PLEKHG1: variants seen among roughly 807,000 people sequenced by gnomAD.
PLEKHG1 encodes the protein pleckstrin homology and RhoGEF domain containing G1.
A neutral mutation model predicts 100.8 loss-of-function variants in PLEKHG1; 44 were observed. That is an observed-to-expected ratio of 0.44 (90% CI 0.34 to 0.56). The LOEUF (loss-of-function observed/expected upper bound fraction) is 0.56. Ranked by LOEUF, PLEKHG1 falls within the 20% of genes least tolerant of loss-of-function variation. The pLI is 0.01. For synonymous variants in PLEKHG1, 640 were observed against 662.5 expected, an observed-to-expected ratio of 0.97 and a Z score of 0.52; for missense variants, 1,545 against 1,720.9, an observed-to-expected ratio of 0.90 and a Z score of 1.81.
chr6:150,733,973 G>A (rs201117528), exon 2 of PLEKHG1: 2 of 1,614,144 alleles, frequency 1.2e-6, no homozygotes, highest in Non-Finnish European at 1.7e-6. Flanking sequence ...CTCAAACGGG[G>A]CACCCAAGAC....
chr6:150,831,487 C>G lies in PLEKHG1; in HGVS notation c.2376C>G (p.Leu792=). The G allele has an allele frequency of 6.2e-7, 1 of 1,614,146 alleles. No homozygotes were observed. The highest frequency in any genetic ancestry group is 8.5e-7 in the Non-Finnish European group (1 of 1,179,996). ...TTGTTTCCCAAGACAGCCTCCAGCT[C>G]AGTGAGGACGAAGCCCCTTACCATC... The change falls in exon 15 of 16, where the codon CTC becomes CTG. Residue 792 remains leucine, a synonymous_variant. Coordinates refer to ENST00000358517, the Ensembl canonical transcript of PLEKHG1. This position sits in a 1 kb window ranked among gnomAD's most constrained non-coding sequence, Gnocchi z 4.1.
At chr6:150,727,141 T>A (rs560500772) in intron 1 of PLEKHG1, among the ~76,000 whole-genome samples, 1 of 152,336 alleles carries the variant, frequency 6.6e-6, no homozygotes, top group South Asian at 2.1e-4. Flanking sequence ...CACATTCTCT[T>A]GATTTCCATG....
chr6:150,825,188 C>T (rs1316042788), intron 14 of PLEKHG1, among the ~76,000 whole-genome samples: 2 of 152,150 alleles, frequency 1.3e-5, no homozygotes, highest in Admixed American at 6.5e-5. Flanking sequence ...AGAAAGAAAA[C>T]ATCCATGCTT....
exon 8 of PLEKHG1, chr6:150,809,240 A>G (rs771145125): frequency 3.8e-5 from 62 of 1,614,094 alleles, no homozygotes; most frequent in African/African-American, 2.7e-5. Context: ...GCTGCTGCTC[A>G]TCACGAAGAA....
intron 3 of PLEKHG1, among the ~76,000 whole-genome samples, chr6:150,771,806 G>C: frequency 6.6e-6 from 1 of 152,008 alleles, no homozygotes; most frequent in Non-Finnish European, 1.5e-5. Flanking sequence ...AATTAAAGAG[G>C]GCATAAAGAA....
At chr6:150,622,633 G>A (rs1456951981) in intron 1 of PLEKHG1, among the ~76,000 whole-genome samples, 2 of 152,154 alleles carry the variant, frequency 1.3e-5, no homozygotes. Context: ...GACAGAATTA[G>A]TAGGAACCTC....
intron 2 of PLEKHG1, among the ~76,000 whole-genome samples, chr6:150,761,103 T>TC (rs2128634755): frequency 1.5e-5 from 1 of 65,280 alleles, no homozygotes; most frequent in East Asian, 7.4e-4. Flanking sequence ...TTTTTTCTTT[T>TC]TTTTTTTTTT....
chr6:150,810,514 AAAAGAAAGAAAG>A (rs370057036), intron 10 of PLEKHG1, among the ~76,000 whole-genome samples: 2 of 88,540 alleles, frequency 2.3e-5, no homozygotes, highest in Non-Finnish European at 6.0e-5. Flanking sequence ...GAAAGAAAGA[AAAAGAAAGAAAG>A]AAAGAAAGAA....
At chr6:150,643,896 C>T (rs1294404260) in intron 2 of PLEKHG1, among the ~76,000 whole-genome samples, 1 of 151,630 alleles carries the variant, frequency 6.6e-6, no homozygotes, top group African/African-American at 2.4e-5. Context: ...GTGATTGACA[C>T]CCACTTTTTT....
At chr6:150,641,255 A>C (rs966349345) in intron 2 of PLEKHG1, among the ~76,000 whole-genome samples, 5 of 152,246 alleles carry the variant, frequency 3.3e-5, no homozygotes, top group African/African-American at 1.2e-4. Flanking sequence ...AAACAAGTTT[A>C]ATATAGTCTA....
At chr6:150,740,473 T>C (rs1396974213) in intron 2 of PLEKHG1, among the ~76,000 whole-genome samples, 1 of 152,234 alleles carries the variant, frequency 6.6e-6, no homozygotes, top group Non-Finnish European at 1.5e-5. Flanking sequence ...GATTTTATTG[T>C]CTTTTTACTT....
intron 10 of PLEKHG1, among the ~76,000 whole-genome samples, chr6:150,812,421 G>A (rs1277314248): frequency 6.6e-6 from 1 of 152,190 alleles, no homozygotes; most frequent in African/African-American, 2.4e-5. Context: ...TGTCTGAGGA[G>A]AAGGCACTGC....
intron 1 of PLEKHG1, among the ~76,000 whole-genome samples, chr6:150,616,949 TGAG>T (rs1777099290): frequency 1.3e-5 from 2 of 152,146 alleles, no homozygotes; most frequent in Non-Finnish European, 2.9e-5. Context: ...TGACCTCAAT[TGAG>T]GGAGATGTGA....
chr6:150,764,080 C>T (rs978215844), intron 2 of PLEKHG1, among the ~76,000 whole-genome samples: 2 of 152,122 alleles, frequency 1.3e-5, no homozygotes, highest in East Asian at 1.9e-4. Context: ...AACCAGCCTC[C>T]CCAGCAGCTT....
At chr6:150,686,647 T>G (rs1259319189) in intron 3 of PLEKHG1, 1 of 152,286 alleles carries the variant, frequency 6.6e-6, no homozygotes, top group African/African-American at 2.4e-5. Flanking sequence ...TCCTGTTGTC[T>G]GTTTTTCTCT....
intron 7 of PLEKHG1, among the ~76,000 whole-genome samples, chr6:150,807,511 C>T (rs777126001): frequency 2.6e-5 from 4 of 152,076 alleles, no homozygotes; most frequent in Non-Finnish European, 4.4e-5. Context: ...TTTCATTTTT[C>T]AAATAATAAA....
chr6:150,773,527 CCG>C (rs1784807937), intron 3 of PLEKHG1, among the ~76,000 whole-genome samples: 1 of 152,204 alleles, frequency 6.6e-6, no homozygotes, highest in Admixed American at 6.5e-5. Flanking sequence ...AAGCGAGACT[CCG>C]TCTCAAAAAA....
intron 2 of PLEKHG1, among the ~76,000 whole-genome samples, chr6:150,638,461 A>G (rs1007054742): frequency 6.6e-6 from 1 of 152,112 alleles, no homozygotes; most frequent in African/African-American, 2.4e-5. Flanking sequence ...ATTTTTTCCT[A>G]ACATTCATTG....
intron 2 of PLEKHG1, among the ~76,000 whole-genome samples, chr6:150,738,543 T>G (rs1782690181): frequency 6.6e-6 from 1 of 152,170 alleles, no homozygotes; most frequent in Admixed American, 6.5e-5. Context: ...GGAGACATCG[T>G]ATTAAAATAA....
Sources: gnomAD v4.1 joint callset for allele counts (sites outside exome capture counted in the v4.1 genomes callset) on GRCh38, gnomAD v4.1.1 for gene constraint, Gnocchi (gnomAD v3.1) non-coding constraint, MANE v1.5 for transcripts, NCBI Gene and HGNC (gene_info 2026-07-23, HGNC 2026-07-21) for gene names.